The following ATG4C variants were observed in gnomAD, a reference collection of about 807,000 sequenced individuals.
ATG4C encodes the protein cysteine protease ATG4C.
In ATG4C, 56 loss-of-function variants were observed where a neutral mutation model predicts 57.6. The observed-to-expected ratio is 0.97, with a 90% CI of 0.78 to 1.21. The LOEUF (loss-of-function observed/expected upper bound fraction) is 1.21, where lower values mean the gene tolerates loss of function less well. ATG4C is among the 50% of genes most tolerant of loss of function. The probability of loss-of-function intolerance (pLI) is 0.00; values close to 1 mark genes in which losing one functional copy is unlikely to be tolerated. For synonymous variants in ATG4C, 157 were observed against 174.1 expected, an observed-to-expected ratio of 0.90 and a Z score of 0.78; for missense variants, 595 against 529.8, an observed-to-expected ratio of 1.12 and a Z score of -1.21.
intron 2 of ATG4C, 136 bp from the exon 3 acceptor site, chr1:62,805,036 C>T (rs1664810412): frequency 7.6e-7 from 1 of 1,313,950 alleles, no homozygotes; most frequent in Admixed American, 4.1e-5. Flanking sequence ...TTGTATTTTG[C>T]AACTGTTGCC....
chr1:62,855,324 T>A (rs1381017162), intron 10 of ATG4C, among the ~76,000 whole-genome samples: 1 of 152,212 alleles, frequency 6.6e-6, no homozygotes, highest in Non-Finnish European at 1.5e-5. Context: ...CTGATGTAGA[T>A]TATTTTTTAT....
intron 2 of ATG4C, among the ~76,000 whole-genome samples, chr1:62,804,771 G>A (rs1456714232): frequency 6.6e-6 from 1 of 152,140 alleles, no homozygotes; most frequent in East Asian, 1.9e-4. Flanking sequence ...TAAAATAAGT[G>A]TGAAAACAGA....
At chr1:62,786,700 A>G (rs74660834) in intron 1 of ATG4C, among the ~76,000 whole-genome samples, 2,224 of 152,348 alleles carry the variant, frequency 0.015, 51 homozygotes, top group African/African-American at 0.051. Flanking sequence ...CCACAGTGGT[A>G]TAGTAGTGAG....
In ATG4C at chr1:62,834,095, T is replaced by C; in HGVS notation, c.991T>C (p.Tyr331His). 6.2e-7 allele frequency: 1 copy of C among 1,612,796 alleles called. No homozygotes were observed. The highest frequency in any genetic ancestry group is 1.3e-5 in the African/African-American group (1 of 75,002). The change falls in exon 8 of 11, where the codon TAT becomes CAT. Residue 331 changes from tyrosine (Y) to histidine (H), a missense_variant. Tyr to His is a moderately conservative substitution (Grantham distance 83). Transcript: ENST00000317868. ...TATTGGTGGCAAACCTAAACAGTCA[T>C]ATTACTTTGCTGGATTTCAAGGTTA... ...GIIGGKPKQS[Y>H]YFAGFQDDSL...
intron 5 of ATG4C, among the ~76,000 whole-genome samples, chr1:62,820,357 A>G (rs1191125827): frequency 6.6e-6 from 1 of 152,040 alleles, no homozygotes; most frequent in Non-Finnish European, 1.5e-5. Context: ...AAAACTGTCA[A>G]AAACCTTTCT....
intron 9 of ATG4C, among the ~76,000 whole-genome samples, chr1:62,839,592 A>G (rs1373709900): frequency 6.6e-6 from 1 of 152,238 alleles, no homozygotes; most frequent in East Asian, 1.9e-4. Context: ...ACTGTGCCAT[A>G]TACCCTAATA....
intron 1 of ATG4C, among the ~76,000 whole-genome samples, chr1:62,803,298 G>A (rs1158309404): frequency 1.3e-5 from 2 of 152,166 alleles, no homozygotes; most frequent in Non-Finnish European, 2.9e-5. Context: ...CTTCCATTCT[G>A]AAGATAGTCA....
intron 3 of ATG4C, among the ~76,000 whole-genome samples, chr1:62,809,456 C>G (rs1029291998): frequency 6.8e-6 from 1 of 146,178 alleles, no homozygotes; most frequent in Admixed American, 6.9e-5. Flanking sequence ...TATATGTACA[C>G]ATGTATATAT....
At chr1:62,801,449 C>T (rs910661946) in intron 1 of ATG4C, among the ~76,000 whole-genome samples, 1 of 152,184 alleles carries the variant, frequency 6.6e-6, no homozygotes, top group East Asian at 1.9e-4. Flanking sequence ...GTGCCTAGAA[C>T]AGTGCCTGGC....
chr1:62,853,185 TGAG>T (rs914433684), intron 10 of ATG4C, among the ~76,000 whole-genome samples: 8 of 152,230 alleles, frequency 5.3e-5, no homozygotes, highest in Non-Finnish European at 8.8e-5. Flanking sequence ...TTAGTGTTGT[TGAG>T]AAGTTTGATG....
chr1:62,795,844 A>G (rs911750321), intron 1 of ATG4C, among the ~76,000 whole-genome samples: 1 of 152,134 alleles, frequency 6.6e-6, no homozygotes, highest in Non-Finnish European at 1.5e-5. Flanking sequence ...TAAAAAAAAA[A>G]AAAAGAAGAG....
At chr1:62,838,720 C>T (rs12066524) in intron 9 of ATG4C, among the ~76,000 whole-genome samples, 21,992 of 150,240 alleles carry the variant, frequency 0.15, 1,688 homozygotes, top group South Asian at 0.2. Flanking sequence ...GCAGAGGTTG[C>T]AGTGAGCAGA....
chr1:62,854,783 G>T (rs890633903), intron 10 of ATG4C, among the ~76,000 whole-genome samples: 1 of 152,154 alleles, frequency 6.6e-6, no homozygotes, highest in African/African-American at 2.4e-5. Flanking sequence ...TTACATGTTA[G>T]TAAGTGGTGG....
At chr1:62,829,279 AGTTGTAC>A (rs923563349) in intron 7 of ATG4C, 103 bp downstream of exon 7, 54 of 1,321,588 alleles carry the variant, frequency 4.1e-5, no homozygotes, top group East Asian at 4.8e-5. Context: ...ATGATTTTGT[AGTTGTAC>A]GTTGTACGTT....
intron 9 of ATG4C, among the ~76,000 whole-genome samples, chr1:62,838,413 T>C (rs572521120): frequency 1.3e-5 from 2 of 152,336 alleles, no homozygotes; most frequent in South Asian, 2.1e-4. Context: ...GTTTAACTTG[T>C]TCTGCAATAG....
intron 2 of ATG4C, among the ~76,000 whole-genome samples, chr1:62,804,326 G>A (rs1271819413): frequency 1.3e-5 from 2 of 151,876 alleles, no homozygotes; most frequent in East Asian, 1.9e-4. Flanking sequence ...TCTTGACCTC[G>A]TGATCCGCCC....
intron 10 of ATG4C, among the ~76,000 whole-genome samples, chr1:62,863,460 A>T (rs913617113): frequency 6.6e-6 from 1 of 152,010 alleles, no homozygotes. Flanking sequence ...ACTTGATCTT[A>T]GCCAAAAAGC....
chr1:62,860,522 A>G (rs1572182053), intron 10 of ATG4C, among the ~76,000 whole-genome samples: 1 of 152,234 alleles, frequency 6.6e-6, no homozygotes, highest in Non-Finnish European at 1.5e-5. Context: ...CTGCATTATT[A>G]TCTTATAGGA....
At chr1:62,829,645 G>C (rs953747627) in intron 7 of ATG4C, among the ~76,000 whole-genome samples, 1 of 151,968 alleles carries the variant, frequency 6.6e-6, no homozygotes, top group African/African-American at 2.4e-5. Context: ...AAGATATGAA[G>C]ATAGTATTTG....
Sources: allele counts gnomAD v4.1 joint callset (sites outside exome capture counted in the v4.1 genomes callset), GRCh38; gene constraint gnomAD v4.1.1; transcripts MANE v1.5; gene names NCBI Gene and HGNC (gene_info 2026-07-23, HGNC 2026-07-21).